PRKCA: variants seen among roughly 807,000 people sequenced by gnomAD.
The protein encoded by PRKCA is protein kinase C alpha.
PRKCA carries 27 observed loss-of-function variants against 87.0 expected under a neutral mutation model. The ratio of observed to expected loss-of-function variants is 0.31; its 90% CI spans 0.23 to 0.43. The LOEUF is 0.43. Ranked by LOEUF, PRKCA falls within the 20% of genes least tolerant of loss-of-function variation. The pLI is 1.00. For missense variants in PRKCA, 518 were observed against 852.3 expected, an observed-to-expected ratio of 0.61 and a Z score of 4.88; for synonymous variants, 329 against 311.1, an observed-to-expected ratio of 1.06 and a Z score of -0.61.
chr17:66,729,038 T>A (rs1973822853), intron 8 of PRKCA, among the ~76,000 whole-genome samples: 1 of 152,212 alleles, frequency 6.6e-6, no homozygotes, highest in Non-Finnish European at 1.5e-5. Flanking sequence ...TTTTTCTTAT[T>A]CTAAGTCAGA....
At chr17:66,761,736 T>C (rs1006751870) in intron 13 of PRKCA, among the ~76,000 whole-genome samples, 5 of 152,128 alleles carry the variant, frequency 3.3e-5, no homozygotes, top group African/African-American at 1.2e-4. Flanking sequence ...TTTTCTTTTT[T>C]TTTTATATAA....
intron 2 of PRKCA, among the ~76,000 whole-genome samples, chr17:66,360,840 G>A (rs560671651): frequency 9.2e-5 from 14 of 152,282 alleles, no homozygotes; most frequent in East Asian, 3.9e-4. Context: ...CCAAAGTGGC[G>A]CTTAGAGGAA....
intron 2 of PRKCA, among the ~76,000 whole-genome samples, chr17:66,442,305 C>T (rs1205462047): frequency 3.3e-5 from 5 of 151,830 alleles, no homozygotes; most frequent in Non-Finnish European, 5.9e-5. Flanking sequence ...GATCCACCCA[C>T]CCAGGCCTCC....
At chr17:66,453,249 A>G (rs1914411932) in intron 2 of PRKCA, among the ~76,000 whole-genome samples, 1 of 152,112 alleles carries the variant, frequency 6.6e-6, no homozygotes, top group Non-Finnish European at 1.5e-5. Flanking sequence ...AAGACTGGGA[A>G]CTAGAACCCA....
intron 5 of PRKCA, among the ~76,000 whole-genome samples, chr17:66,654,570 T>A (rs975819106): frequency 6.6e-6 from 1 of 152,348 alleles, no homozygotes; most frequent in East Asian, 1.9e-4. Flanking sequence ...TGAGGGAAGA[T>A]CCTGTGATTA....
intron 2 of PRKCA, among the ~76,000 whole-genome samples, chr17:66,494,723 G>T (rs150162930): frequency 6.6e-6 from 1 of 152,286 alleles, no homozygotes; most frequent in Non-Finnish European, 1.5e-5. Flanking sequence ...AGTAGATGAT[G>T]CCTTTTTGGA....
At chr17:66,719,521 A>T (rs1481300936) in intron 8 of PRKCA, among the ~76,000 whole-genome samples, 1 of 152,258 alleles carries the variant, frequency 6.6e-6, no homozygotes, top group East Asian at 1.9e-4. Context: ...CTGCAATCCC[A>T]GCACTTTGGC....
intron 10 of PRKCA, among the ~76,000 whole-genome samples, chr17:66,738,460 T>C (rs1285814983): frequency 1.3e-5 from 2 of 152,178 alleles, no homozygotes; most frequent in African/African-American, 2.4e-5. Flanking sequence ...ATTATATGTA[T>C]AGGAAGATAG....
intron 2 of PRKCA, among the ~76,000 whole-genome samples, chr17:66,366,503 AAC>A (rs1235322115): frequency 1.3e-5 from 2 of 152,212 alleles, no homozygotes; most frequent in Admixed American, 6.5e-5. Context: ...CTACAGAGAA[AAC>A]ACAATCTGGG....
At chr17:66,626,515 C>T (rs1970860866) in intron 3 of PRKCA, among the ~76,000 whole-genome samples, 1 of 149,530 alleles carries the variant, frequency 6.7e-6, no homozygotes, top group African/African-American at 2.5e-5. Context: ...GCACCCACCA[C>T]CAAGCCCGGC....
At chr17:66,765,414 T>A (rs569033316) in intron 13 of PRKCA, among the ~76,000 whole-genome samples, 93 of 29,364 alleles carry the variant, frequency 3.2e-3, no homozygotes, top group African/African-American at 0.011. Flanking sequence ...GAGCAAGACT[T>A]TGTCTATATA....
At chr17:66,521,351 A>G (rs577598700) in intron 3 of PRKCA, among the ~76,000 whole-genome samples, 1 of 152,342 alleles carries the variant, frequency 6.6e-6, no homozygotes, top group South Asian at 2.1e-4. Context: ...TCTCATTTTT[A>G]TAGTTTTTAA....
chr17:66,802,535 A>C (rs1440708371), intron 16 of PRKCA, among the ~76,000 whole-genome samples: 3 of 152,082 alleles, frequency 2.0e-5, no homozygotes, highest in African/African-American at 7.2e-5. Context: ...AAAAAAAAAA[A>C]CGAAAGTAGG....
chr17:66,577,906 C>G (rs1185977819), intron 3 of PRKCA, among the ~76,000 whole-genome samples: 1 of 151,976 alleles, frequency 6.6e-6, no homozygotes, highest in Non-Finnish European at 1.5e-5. Context: ...GTTTTCAATC[C>G]TGCATGCTTA....
At chr17:66,578,534 A>G (rs1969314677) in intron 3 of PRKCA, among the ~76,000 whole-genome samples, 1 of 151,670 alleles carries the variant, frequency 6.6e-6, no homozygotes, top group South Asian at 2.1e-4. Context: ...CAAAACATGT[A>G]TAAGGCCATG....
At chr17:66,686,135 A>G (rs1972620985) in intron 5 of PRKCA, among the ~76,000 whole-genome samples, 1 of 152,220 alleles carries the variant, frequency 6.6e-6, no homozygotes, top group South Asian at 2.1e-4. Flanking sequence ...TTGTCCCTTC[A>G]TCATAGCAGT....
At chr17:66,349,708 A>T (rs1394477960) in intron 2 of PRKCA, among the ~76,000 whole-genome samples, 2 of 152,136 alleles carry the variant, frequency 1.3e-5, no homozygotes, top group African/African-American at 4.8e-5. Flanking sequence ...GCGCACAAAC[A>T]CAAAATTCAT....
chr17:66,622,736 G>A (rs539060179), intron 3 of PRKCA, among the ~76,000 whole-genome samples: 8 of 152,188 alleles, frequency 5.3e-5, no homozygotes, highest in African/African-American at 1.4e-4. Context: ...CAATCATGGC[G>A]GAAGGTGAAA....
intron 8 of PRKCA, among the ~76,000 whole-genome samples, chr17:66,698,414 C>CA (rs1466189667): frequency 6.6e-6 from 1 of 151,868 alleles, no homozygotes; most frequent in Non-Finnish European, 1.5e-5. Flanking sequence ...TAAAAAGAAC[C>CA]AAACAGAAAT....
Sources: allele counts gnomAD v4.1 joint callset (sites outside exome capture counted in the v4.1 genomes callset), GRCh38; gene constraint gnomAD v4.1.1; transcripts MANE v1.5; gene names NCBI Gene and HGNC (gene_info 2026-07-23, HGNC 2026-07-21).